Variants in MEGF11 observed in about 807,000 individuals in gnomAD.
MEGF11 encodes the protein multiple epidermal growth factor-like domains protein 11.
Under a neutral mutation model 146.6 loss-of-function variants are expected in MEGF11, and 126 were observed. The ratio of observed to expected loss-of-function variants is 0.86; its 90% CI spans 0.74 to 1.00. The LOEUF (loss-of-function observed/expected upper bound fraction) is 1.00, where lower values mean the gene tolerates loss of function less well. Among genes scored for constraint, MEGF11 ranks in the 50% least tolerant of loss-of-function variants. The pLI is 0.00. For synonymous variants in MEGF11, 532 were observed against 583.4 expected (o/e 0.91, Z 1.27); for missense variants, 1,509 against 1,521.2 (o/e 0.99, Z 0.13).
chr15:66,014,408 G>A lies in MEGF11; in HGVS notation c.395-31920C>T, dbSNP rs373570159. 6.4e-4 allele frequency among the ~76,000 whole-genome samples: 97 copies of A among 152,308 alleles called. 1 individual carries two copies. The Middle Eastern group carries it at 0.01, about 16-fold the overall frequency. ...GAATAATATATCTGCCCCTTAGGGT[G>A]GCTCCTTCCTAGGGCTAAACAAGAT... On this transcript the variant is annotated intron_variant, in intron 5 of 25. Coordinates refer to ENST00000395614, the MANE Select transcript of MEGF11 (RefSeq NM_001385028.1).
At chr15:66,128,672 T>C (rs542036005) in intron 1 of MEGF11, among the ~76,000 whole-genome samples, 1 of 152,210 alleles carries the variant, frequency 6.6e-6, no homozygotes, top group Non-Finnish European at 1.5e-5. Flanking sequence ...ATAGATGTTC[T>C]CTCCAGGAAA....
Position 66,072,599 on chromosome 15 carries a change from T to C in MEGF11, c.394+21803A>G, listed in dbSNP as rs932522727. On this transcript the variant is annotated intron_variant, in intron 5 of 25. Coordinates refer to ENST00000395614, the MANE Select transcript of MEGF11 (RefSeq NM_001385028.1). ...ATACAGATTTATTAAATAAGTGACA[T>C]GTATTCCTGAGTGAGCGAATGAATG... Among the ~76,000 whole-genome samples, 8 of 152,208 alleles carry C rather than the reference T, an allele frequency of 5.3e-5. No homozygotes were observed. In the East Asian group the frequency reaches 1.5e-3, roughly 29 times the overall value.
At chr15:66,023,155 A>AAAC (rs959031982) in intron 5 of MEGF11, among the ~76,000 whole-genome samples, 1 of 149,258 alleles carries the variant, frequency 6.7e-6, no homozygotes, top group Non-Finnish European at 1.5e-5. Flanking sequence ...AAAAAAAAAA[A>AAAC]CAAACTTGTT....
Position 65,938,706 on chromosome 15 carries a change from A to G in MEGF11, c.1288-7763T>C, listed in dbSNP as rs1596871703. On this transcript the variant is annotated intron_variant, in intron 10 of 25. Transcript: ENST00000395614. ...AATTATAGATGCAGTACTGGCTATT[A>G]ACATCTTGAGCTTGATTTGAAAGCA... Among the ~76,000 whole-genome samples the G allele has an allele frequency of 2.0e-5, 3 of 152,284 alleles. No homozygotes were observed. The East Asian group carries it at 5.8e-4, about 29-fold the overall frequency.
At chr15:66,171,949 G>A (rs1354846604) in intron 1 of MEGF11, among the ~76,000 whole-genome samples, 3 of 152,094 alleles carry the variant, frequency 2.0e-5, no homozygotes, top group African/African-American at 4.8e-5. Context: ...AATTCCCGGC[G>A]CCTCCAGCTC....
chr15:66,142,438 G>A (rs1055093935), intron 1 of MEGF11, among the ~76,000 whole-genome samples: 8 of 152,228 alleles, frequency 5.3e-5, no homozygotes, highest in African/African-American at 1.2e-4. Flanking sequence ...AAATCACCCC[G>A]AGGGAGGAAG....
At chr15:65,955,793 T>TATATATATACAC (rs1555455862) in intron 10 of MEGF11, among the ~76,000 whole-genome samples, 3 of 6,778 alleles carry the variant, frequency 4.4e-4, no homozygotes, top group Admixed American at 2.5e-3. Context: ...TATATATATA[T>TATATATATACAC]ACACACACAC....
intron 10 of MEGF11, among the ~76,000 whole-genome samples, chr15:65,949,963 G>T (rs2080336276): frequency 6.6e-6 from 1 of 152,270 alleles, no homozygotes; most frequent in South Asian, 2.1e-4. Context: ...CTGCTCTTGG[G>T]AACCCAGGAG....
chr15:66,009,512 G>A (rs2140102917), intron 5 of MEGF11, among the ~76,000 whole-genome samples: 1 of 152,066 alleles, frequency 6.6e-6, no homozygotes, highest in Middle Eastern at 3.4e-3. Flanking sequence ...CTTAGGGTGA[G>A]TTGTAGGGGT....
chr15:65,936,963 T>C (rs2079810681), intron 10 of MEGF11, among the ~76,000 whole-genome samples: 1 of 152,130 alleles, frequency 6.6e-6, no homozygotes, highest in African/African-American at 2.4e-5. Flanking sequence ...CCTCACCCCA[T>C]CACCCCCTGC....
chr15:65,945,712 T>TC (rs2080167869), intron 10 of MEGF11, among the ~76,000 whole-genome samples: 2 of 152,090 alleles, frequency 1.3e-5, no homozygotes, highest in African/African-American at 4.8e-5. Flanking sequence ...AACGGACACC[T>TC]CCCCTGAGCT....
At chr15:66,090,418 A>T (rs1354439313) in intron 5 of MEGF11, among the ~76,000 whole-genome samples, 1 of 152,250 alleles carries the variant, frequency 6.6e-6, no homozygotes, top group Non-Finnish European at 1.5e-5. Context: ...TGTTTTAAAA[A>T]ATTCAGCACC....
intron 1 of MEGF11, among the ~76,000 whole-genome samples, chr15:66,178,804 G>C (rs1235566105): frequency 6.6e-6 from 1 of 152,150 alleles, no homozygotes; most frequent in Admixed American, 6.5e-5. Flanking sequence ...GAGAGTGGGG[G>C]TGGGGGATAG....
intron 5 of MEGF11, among the ~76,000 whole-genome samples, chr15:66,045,430 C>T (rs1305712696): frequency 1.3e-5 from 2 of 152,150 alleles, no homozygotes; most frequent in Non-Finnish European, 2.9e-5. Context: ...TCTGAGGGCT[C>T]GCCTGCCCAT....
At chr15:65,922,243 C>G in intron 15 of MEGF11, 95 bp downstream of exon 15, 1 of 1,460,286 alleles carries the variant, frequency 6.8e-7, no homozygotes, top group Middle Eastern at 1.7e-4. Context: ...ACCTCCATAG[C>G]GTATGATGAA....
intron 1 of MEGF11, among the ~76,000 whole-genome samples, chr15:66,231,361 G>A (rs2091963901): frequency 6.6e-6 from 1 of 151,778 alleles, no homozygotes; most frequent in South Asian, 2.1e-4. Context: ...CCCAGGGAGA[G>A]GGGACGGTTA....
intron 1 of MEGF11, among the ~76,000 whole-genome samples, chr15:66,193,959 A>G (rs28549045): frequency 0.019 from 2,884 of 149,974 alleles, 105 homozygotes; most frequent in African/African-American, 0.067. Flanking sequence ...TAAAGAACTA[A>G]AAGTAGATCT....
intron 20 of MEGF11, 165 bp from the exon 21 acceptor site, chr15:65,912,365 CTGG>C: frequency 2.5e-6 from 1 of 399,950 alleles, no homozygotes; most frequent in Non-Finnish European, 4.3e-6. Flanking sequence ...CTACTGAAAT[CTGG>C]AGAGCCTGAT....
Position 66,172,518 on chromosome 15 carries a change from G to A in MEGF11, c.-8-44107C>T, listed in dbSNP as rs776632372. Among the ~76,000 whole-genome samples the A allele has an allele frequency of 7.2e-5, 11 of 152,236 alleles. No homozygotes were observed. The South Asian group carries it at 1.5e-3, about 20-fold the overall frequency. The stretch of plus-strand genomic sequence containing the variant: ...GTGTTTACTGGACTGGGCTTTCCCC[G>A]CAGGGCTACCACAGGCTGCCTGTGT... On this transcript the variant is annotated intron_variant, in intron 1 of 25. Coordinates refer to ENST00000395614, the MANE Select transcript of MEGF11 (RefSeq NM_001385028.1).
Sources: allele counts gnomAD v4.1 joint callset (sites outside exome capture counted in the v4.1 genomes callset), GRCh38; gene constraint gnomAD v4.1.1; transcripts MANE v1.5; gene names NCBI Gene and HGNC (gene_info 2026-07-23, HGNC 2026-07-21).